The following NAA35 variants were observed in gnomAD, a reference collection of about 807,000 sequenced individuals.
NAA35 encodes N-alpha-acetyltransferase 35, NatC auxiliary subunit.
A neutral mutation model predicts 101.7 loss-of-function variants in NAA35; 18 were observed. The observed-to-expected ratio is 0.18, with a 90% CI of 0.12 to 0.26. The LOEUF (loss-of-function observed/expected upper bound fraction) is 0.26, where lower values mean the gene tolerates loss of function less well. Ranked by LOEUF, NAA35 falls within the 10% of genes least tolerant of loss-of-function variation. The pLI is 1.00. For synonymous variants in NAA35, 267 were observed against 273.1 expected, an observed-to-expected ratio of 0.98 and a Z score of 0.22; for missense variants, 601 against 886.8, an observed-to-expected ratio of 0.68 and a Z score of 4.09.
intron 15 of NAA35, 68 bp downstream of exon 15, chr9:86,009,999 G>T (rs1210991643): frequency 1.6e-6 from 2 of 1,286,992 alleles, no homozygotes; most frequent in Admixed American, 1.7e-5. Flanking sequence ...CGGGCACGGT[G>T]GCTCACTTTG....
intron 11 of NAA35, among the ~76,000 whole-genome samples, chr9:85,979,420 A>G (rs368523431): frequency 8.1e-4 from 124 of 152,354 alleles, no homozygotes; most frequent in African/African-American, 2.9e-3. Flanking sequence ...AAAGAAGAAC[A>G]GGCTATGACC....
In NAA35 at chr9:86,021,461, C is replaced by T. The variant is rs11141181; in HGVS notation, c.2119-440C>T. 0.021 allele frequency among the ~76,000 whole-genome samples: 3,210 copies of T among 152,266 alleles called. 367 individuals carry two copies. In the East Asian group the frequency reaches 0.36, roughly 17 times the overall value. ...GCGGAGGCACCGTGGGGGCATTTGC[C>T]TGTGTGTGTTGTGCACCTTTTCTTC... On this transcript the variant is annotated intron_variant, in intron 22 of 22. Transcript: ENST00000361671.
chr9:85,955,540 T>G (rs890298721), intron 2 of NAA35, among the ~76,000 whole-genome samples: 3 of 151,220 alleles, frequency 2.0e-5, no homozygotes, highest in African/African-American at 4.9e-5. Context: ...TTTTTTTGTA[T>G]TTTTAGTAGA....
chr9:86,016,478 G>A, intron 17 of NAA35, 61 bp from the exon 18 acceptor site: 2 of 1,431,544 alleles, frequency 1.4e-6, no homozygotes, highest in East Asian at 2.3e-5. Flanking sequence ...GTTAATATAT[G>A]TGTTGATAAA....
intron 4 of NAA35, 72 bp downstream of exon 4, chr9:85,958,658 A>G: frequency 1.1e-6 from 1 of 941,238 alleles, no homozygotes; most frequent in Non-Finnish European, 1.6e-6. Context: ...GTGCTTAATA[A>G]TGAAATGAAA....
At chr9:86,000,247 C>G (rs1255742786) in intron 12 of NAA35, among the ~76,000 whole-genome samples, 1 of 152,096 alleles carries the variant, frequency 6.6e-6, no homozygotes, top group Non-Finnish European at 1.5e-5. Context: ...AGGGATGCAG[C>G]CTACTTGATC....
chr9:85,974,857 T>C, intron 6 of NAA35, 110 bp from the exon 7 acceptor site: 1 of 750,234 alleles, frequency 1.3e-6, no homozygotes, highest in South Asian at 1.8e-5. Flanking sequence ...CATTTCTCTT[T>C]GTTTATTAAA....
chr9:85,943,107 C>T (rs1053606245), intron 2 of NAA35, among the ~76,000 whole-genome samples: 4 of 152,124 alleles, frequency 2.6e-5, no homozygotes, highest in African/African-American at 4.8e-5. Flanking sequence ...AGAACAGTTC[C>T]TGGCACATAG....
intron 11 of NAA35, among the ~76,000 whole-genome samples, chr9:85,993,969 C>T (rs1276473149): frequency 2.6e-5 from 4 of 151,366 alleles, no homozygotes; most frequent in East Asian, 1.9e-4. Context: ...CCAGGACACC[C>T]GGCTAATTTT....
In NAA35 at chr9:86,024,979, AGGT is replaced by A. The variant is rs1209356248; in HGVS notation, c.*3025_*3027del. Among the ~76,000 whole-genome samples the A allele has an allele frequency of 1.3e-5, 2 of 152,156 alleles. No individual in the cohort carries two copies. The highest frequency in any genetic ancestry group is 2.9e-5 in the Non-Finnish European group (2 of 68,016). On this transcript the variant is annotated 3_prime_UTR_variant, in exon 23 of 23. Coordinates refer to ENST00000361671, the MANE Select transcript of NAA35 (RefSeq NM_024635.4). Reference sequence around the variant, plus strand: ...GGGCCAGGGAATGGGGAGGCCACTGAGGTGGTGGGACAGGCTGCAGGGAAGAAT... The same window carrying A: ...GGGCCAGGGAATGGGGAGGCCACTGAGGTGGGACAGGCTGCAGGGAAGAAT...
At chr9:85,957,759 T>G (rs1587569690) in intron 3 of NAA35, among the ~76,000 whole-genome samples, 1 of 152,110 alleles carries the variant, frequency 6.6e-6, no homozygotes, top group Non-Finnish European at 1.5e-5. Flanking sequence ...TTTTAATTAG[T>G]AAGTAGACAA....
At chr9:85,974,451 C>G (rs954204136) in intron 6 of NAA35, among the ~76,000 whole-genome samples, 9 of 152,126 alleles carry the variant, frequency 5.9e-5, no homozygotes, top group African/African-American at 2.2e-4. Flanking sequence ...GGTCCTATGT[C>G]TGAATGACTC....
chr9:85,991,540 C>T (rs2118209232), intron 11 of NAA35, among the ~76,000 whole-genome samples: 1 of 152,142 alleles, frequency 6.6e-6, no homozygotes, highest in East Asian at 1.9e-4. Context: ...AAGGTGGCTC[C>T]ATGTGGGAAG....
At chr9:85,980,167 G>T (rs1479042204) in intron 11 of NAA35, among the ~76,000 whole-genome samples, 1 of 152,170 alleles carries the variant, frequency 6.6e-6, no homozygotes, top group Non-Finnish European at 1.5e-5. Context: ...AAGGGTCTCG[G>T]AGCTTCCATG....
chr9:85,961,996 CT>C lies in NAA35; in HGVS notation c.349-13del, dbSNP rs752498139. On this transcript the variant is annotated splice_polypyrimidine_tract_variant and intron_variant, in intron 5 of 22. Coordinates refer to ENST00000361671, the MANE Select transcript of NAA35 (RefSeq NM_024635.4). ...CAGTTTATCACCTTAAATATATACT[CT>C]TTTGTTTCTTTATAGATAACGTGGT... 6.3e-7 allele frequency: 1 copy of C among 1,588,874 alleles called. No individual in the cohort carries two copies. The highest frequency in any genetic ancestry group is 8.5e-7 in the Non-Finnish European group (1 of 1,170,264).
At position 86,003,618 on chromosome 9, in the gene NAA35, T is replaced by C; in HGVS notation, c.1090T>C (p.Cys364Arg). ...CTGTGAATTTAGTGAACAGTCACCA[T>C]GTGTTCTTTCAAGATCTCTGTTACA... is the stretch of plus-strand genomic sequence containing the variant. ...FFCEFSEQSP[C>R]VLSRSLLQTT... Residue 364 changes from cysteine to arginine, a missense_variant, in exon 13 of 23, where the codon TGT (cysteine) becomes CGT (arginine). Coordinates refer to ENST00000361671, the MANE Select transcript of NAA35 (RefSeq NM_024635.4). The C allele has an allele frequency of 6.3e-7, 1 of 1,598,230 alleles. No homozygotes were observed. Among genetic ancestry groups the C allele is most frequent in the Non-Finnish European group, 8.5e-7 (1 of 1,170,312 alleles).
intron 4 of NAA35, 41 bp downstream of exon 4, chr9:85,958,627 G>A (rs1432591653): frequency 1.6e-6 from 2 of 1,282,230 alleles, no homozygotes; most frequent in South Asian, 1.3e-5. Flanking sequence ...TTTATCTTTT[G>A]TTACTTCCTG....
chr9:85,951,335 C>T (rs1030566730), intron 2 of NAA35, among the ~76,000 whole-genome samples: 3 of 152,142 alleles, frequency 2.0e-5, no homozygotes, highest in African/African-American at 7.2e-5. Flanking sequence ...TCTGTTGCCA[C>T]ATGTTGTTTT....
intron 6 of NAA35, among the ~76,000 whole-genome samples, chr9:85,967,749 C>T (rs1829823722): frequency 6.6e-6 from 1 of 151,450 alleles, no homozygotes; most frequent in South Asian, 2.1e-4. Flanking sequence ...TTGCAGTGAG[C>T]TGAGATCCTG....
Sources: gnomAD v4.1 joint callset for allele counts (sites outside exome capture counted in the v4.1 genomes callset) on GRCh38, gnomAD v4.1.1 for gene constraint, MANE v1.5 for transcripts, NCBI Gene and HGNC (gene_info 2026-07-23, HGNC 2026-07-21) for gene names.